BCL2L13: variants seen among roughly 807,000 people sequenced by gnomAD.
BCL2L13 encodes the protein bcl-2-like protein 13.
Under a neutral mutation model 25.8 loss-of-function variants are expected in BCL2L13, and 13 were observed. The observed-to-expected ratio is 0.50, with a 90% confidence interval of 0.33 to 0.80. BCL2L13 has a LOEUF of 0.80. Ranked by LOEUF, BCL2L13 falls within the 30% of genes least tolerant of loss-of-function variation. BCL2L13 has a pLI of 0.02. For missense variants in BCL2L13, 504 were observed against 574.9 expected (o/e 0.88, Z 1.26); for synonymous variants, 244 against 230.3 (o/e 1.06, Z -0.54).
intron 5 of BCL2L13, among the ~76,000 whole-genome samples, chr22:17,700,710 A>G (rs543930428): frequency 6.6e-6 from 1 of 152,320 alleles, no homozygotes; most frequent in East Asian, 1.9e-4. Flanking sequence ...TTATAGCCCT[A>G]TACTACTCCA....
chr22:17,714,406 G>C (rs5992098), intron 6 of BCL2L13, among the ~76,000 whole-genome samples: 129,833 of 151,976 alleles, frequency 0.85, 55,587 homozygotes, highest in East Asian at 0.94. Context: ...GAGCCAAGAT[G>C]GTGCAACTGC....
intron 6 of BCL2L13, among the ~76,000 whole-genome samples, chr22:17,704,010 A>T (rs1048571957): frequency 6.6e-6 from 1 of 152,242 alleles, no homozygotes; most frequent in African/African-American, 2.4e-5. Flanking sequence ...GTAATTGGTT[A>T]CAGAGAAAGT....
At chr22:17,721,646 T>TC (rs1343291940) in intron 6 of BCL2L13, among the ~76,000 whole-genome samples, 1 of 151,242 alleles carries the variant, frequency 6.6e-6, no homozygotes, top group African/African-American at 2.4e-5. Flanking sequence ...TGCCTCAGCC[T>TC]CCCAAGGAGC....
intron 6 of BCL2L13, chr22:17,706,770 G>A: frequency 7.4e-7 from 1 of 1,352,036 alleles, no homozygotes; most frequent in Non-Finnish European, 9.8e-7. Flanking sequence ...CTGGGCTTGT[G>A]TTGCTACGTT....
intron 2 of BCL2L13, among the ~76,000 whole-genome samples, chr22:17,667,320 C>T (rs959100711): frequency 2.0e-5 from 3 of 150,754 alleles, no homozygotes; most frequent in Non-Finnish European, 4.4e-5. Context: ...TACAGGTGCC[C>T]ACCACTACGC....
intron 5 of BCL2L13, among the ~76,000 whole-genome samples, chr22:17,697,250 C>T (rs2060292451): frequency 6.6e-6 from 1 of 152,000 alleles, no homozygotes; most frequent in Non-Finnish European, 1.5e-5. Flanking sequence ...ACCAGCCTGA[C>T]CAACGTGGAG....
intron 3 of BCL2L13, among the ~76,000 whole-genome samples, chr22:17,685,754 CTTTTTCTT>C (rs2059909673): frequency 3.7e-5 from 2 of 53,996 alleles, no homozygotes; most frequent in African/African-American, 1.3e-4. Context: ...ATAATTTTTT[CTTTTTCTT>C]TTTTTTTTTT....
At chr22:17,716,806 C>G (rs1007147989) in intron 6 of BCL2L13, among the ~76,000 whole-genome samples, 3 of 152,132 alleles carry the variant, frequency 2.0e-5, no homozygotes, top group Non-Finnish European at 2.9e-5. Flanking sequence ...ACCTTAGATT[C>G]ATCTTTTCTC....
intron 6 of BCL2L13, chr22:17,702,876 G>A (rs112134250): frequency 1.3e-5 from 2 of 152,096 alleles, no homozygotes; most frequent in African/African-American, 4.8e-5. Flanking sequence ...TATAGGGCTG[G>A]GTGCAGTGGT....
At chr22:17,704,544 G>A (rs1035227013) in intron 6 of BCL2L13, among the ~76,000 whole-genome samples, 1 of 151,942 alleles carries the variant, frequency 6.6e-6, no homozygotes, top group Non-Finnish European at 1.5e-5. Context: ...GGGAGGCCAA[G>A]GCAGGCGGAT....
At chr22:17,672,381 T>C (rs1427652872) in intron 2 of BCL2L13, among the ~76,000 whole-genome samples, 1 of 152,246 alleles carries the variant, frequency 6.6e-6, no homozygotes, top group Non-Finnish European at 1.5e-5. Flanking sequence ...GTTAATCTTC[T>C]ATTCACTTTG....
At chr22:17,642,305 C>T (rs543778509) in intron 1 of BCL2L13, among the ~76,000 whole-genome samples, 57 of 151,710 alleles carry the variant, frequency 3.8e-4, no homozygotes, top group African/African-American at 1.2e-3. Flanking sequence ...ATTACAGGTG[C>T]GTGCCACCAC....
chr22:17,671,757 G>C (rs1243772854), intron 2 of BCL2L13, among the ~76,000 whole-genome samples: 2 of 152,140 alleles, frequency 1.3e-5, no homozygotes, highest in Non-Finnish European at 2.9e-5. Flanking sequence ...TTCCCAGGCT[G>C]GAGTGGAGTG....
At chr22:17,642,804 T>C (rs563251898) in intron 1 of BCL2L13, among the ~76,000 whole-genome samples, 1 of 151,936 alleles carries the variant, frequency 6.6e-6, no homozygotes, top group East Asian at 2.0e-4. Context: ...TCCATGTTGC[T>C]GAGGCTGGTC....
chr22:17,646,955 A>ATATATTTTTTTTTTTT (rs768488873), intron 1 of BCL2L13, among the ~76,000 whole-genome samples: 1 of 22,186 alleles, frequency 4.5e-5, no homozygotes, highest in Non-Finnish European at 7.7e-5. Flanking sequence ...ATATATATAT[A>ATATATTTTTTTTTTTT]TTTTTTTTTT....
rs899999826 is a variant in BCL2L13 at position 17,701,404 on chromosome 22, G to A, written c.457-839G>A. Reference sequence around the variant, plus strand: ...GCAACCACTATTACCAATTTCTTGCGTATTTTTCTGGAGACCCTGTAGGAT... The same window carrying A: ...GCAACCACTATTACCAATTTCTTGCATATTTTTCTGGAGACCCTGTAGGAT... On this transcript the variant is annotated intron_variant, in intron 5 of 6. Coordinates refer to ENST00000317582, the MANE Select transcript of BCL2L13 (RefSeq NM_015367.4). Among the ~76,000 whole-genome samples, 7 of 152,138 alleles carry A rather than the reference G, an allele frequency of 4.6e-5. No homozygotes were observed. The South Asian group carries it at 1.2e-3, about 27-fold the overall frequency.
chr22:17,694,437 C>A (rs1287619332), intron 4 of BCL2L13, among the ~76,000 whole-genome samples: 1 of 151,968 alleles, frequency 6.6e-6, no homozygotes, highest in East Asian at 1.9e-4. Context: ...AGCACTGAGG[C>A]TGAGGTAGGA....
At chr22:17,646,899 TGTGTG>T (rs2058496606) in intron 1 of BCL2L13, among the ~76,000 whole-genome samples, 1 of 111,468 alleles carries the variant, frequency 9.0e-6, no homozygotes, top group Non-Finnish European at 2.1e-5. Context: ...TGTGTGTGTG[TGTGTG>T]TGTGTGTGTG....
intron 2 of BCL2L13, among the ~76,000 whole-genome samples, chr22:17,676,690 T>G (rs1308004848): frequency 6.6e-6 from 1 of 152,208 alleles, no homozygotes; most frequent in Non-Finnish European, 1.5e-5. Flanking sequence ...ATTCTGGAGA[T>G]CACTGTATCT....
Sources: gnomAD v4.1 joint callset for allele counts (sites outside exome capture counted in the v4.1 genomes callset) on GRCh38, gnomAD v4.1.1 for gene constraint, MANE v1.5 for transcripts, NCBI Gene and HGNC (gene_info 2026-07-23, HGNC 2026-07-21) for gene names.